The following CADM2 variants were observed in gnomAD, a reference collection of about 807,000 sequenced individuals.
CADM2 encodes the protein immunoglobulin superfamily member 4D.
A neutral mutation model predicts 49.8 loss-of-function variants in CADM2; 12 were observed. The ratio of observed to expected loss-of-function variants is 0.24; its 90% confidence interval spans 0.15 to 0.39. The LOEUF (loss-of-function observed/expected upper bound fraction) is 0.39. CADM2 is among the 10% of genes least tolerant of loss of function. CADM2 has a pLI of 1.00. For missense variants in CADM2, 378 were observed against 492.3 expected (o/e 0.77, Z 2.20); for synonymous variants, 214 against 175.4 (o/e 1.22, Z -1.74).
chr3:85,999,396 T>C (rs1729862733), intron 8 of CADM2, among the ~76,000 whole-genome samples: 1 of 151,944 alleles, frequency 6.6e-6, no homozygotes, highest in Admixed American at 6.6e-5. Context: ...CCCCAGCTAC[T>C]TGGGAGGCCA....
At chr3:85,219,814 A>G (rs1329986582) in intron 1 of CADM2, among the ~76,000 whole-genome samples, 1 of 152,164 alleles carries the variant, frequency 6.6e-6, no homozygotes, top group African/African-American at 2.4e-5. Flanking sequence ...AAGAGAGAGC[A>G]TATTGGCCAG....
chr3:85,035,232 T>C (rs547518057), intron 1 of CADM2, among the ~76,000 whole-genome samples: 1 of 152,306 alleles, frequency 6.6e-6, no homozygotes, highest in African/African-American at 2.4e-5. Flanking sequence ...TTGATAATTG[T>C]CTATTCATAT....
intron 1 of CADM2, among the ~76,000 whole-genome samples, chr3:85,308,143 G>GGAAAGATTTTCTTTTGCCA (rs1471160823): frequency 1.3e-5 from 2 of 151,670 alleles, no homozygotes; most frequent in Non-Finnish European, 2.9e-5. Flanking sequence ...AAACATTTGA[G>GGAAAGATTTTCTTTTGCCA]GAAAGATTTT....
chr3:85,118,336 T>C (rs1207681809), intron 1 of CADM2, among the ~76,000 whole-genome samples: 2 of 152,150 alleles, frequency 1.3e-5, no homozygotes, highest in Non-Finnish European at 1.5e-5. Flanking sequence ...TCTAACCATG[T>C]GTATTAGTCT....
chr3:85,078,516 A>G (rs536953684), intron 1 of CADM2, among the ~76,000 whole-genome samples: 13 of 152,050 alleles, frequency 8.5e-5, no homozygotes, highest in African/African-American at 3.1e-4. Context: ...TTGTAGCATT[A>G]CATCATCAAT....
intron 8 of CADM2, among the ~76,000 whole-genome samples, chr3:86,052,745 T>TA (rs2107332707): frequency 6.6e-6 from 1 of 152,232 alleles, no homozygotes; most frequent in African/African-American, 2.4e-5. Flanking sequence ...TTCTCACATT[T>TA]AAAAAATCAC....
chr3:85,345,525 C>G (rs980840948), intron 1 of CADM2, among the ~76,000 whole-genome samples: 1 of 151,994 alleles, frequency 6.6e-6, no homozygotes, highest in Non-Finnish European at 1.5e-5. Context: ...GTCCAAAATT[C>G]TTAACCTGAT....
intron 8 of CADM2, among the ~76,000 whole-genome samples, chr3:86,040,959 G>T (rs371735791): frequency 5.9e-5 from 9 of 152,268 alleles, no homozygotes; most frequent in East Asian, 5.8e-4. Flanking sequence ...TTTCAACCCA[G>T]AATTTCATAT....
chr3:85,683,319 A>T (rs2066093380), intron 1 of CADM2, among the ~76,000 whole-genome samples: 1 of 152,110 alleles, frequency 6.6e-6, no homozygotes, highest in Admixed American at 6.6e-5. Context: ...AATTACCCTA[A>T]CACGATATTG....
intron 1 of CADM2, among the ~76,000 whole-genome samples, chr3:85,526,869 T>A (rs935659863): frequency 2.6e-5 from 4 of 152,182 alleles, no homozygotes; most frequent in African/African-American, 9.7e-5. Context: ...TATCCAAAAA[T>A]AGATAATTAT....
At chr3:85,983,333 G>T (rs1237918015) in intron 8 of CADM2, among the ~76,000 whole-genome samples, 1 of 151,644 alleles carries the variant, frequency 6.6e-6, no homozygotes, top group Non-Finnish European at 1.5e-5. Context: ...AAAACACAGA[G>T]AAATGAACCA....
chr3:85,755,163 C>T (rs970638622), intron 2 of CADM2, among the ~76,000 whole-genome samples: 36 of 152,098 alleles, frequency 2.4e-4, no homozygotes, highest in South Asian at 8.3e-4. Flanking sequence ...CATTGTCAGC[C>T]AAAGTTATGG....
At position 85,119,074 on chromosome 3, in the gene CADM2, A is replaced by G. The variant is rs542406587; in HGVS notation, c.61+159406A>G. ...TGTCCATTTATTTTTACAAATGAAA[A>G]GAATCTCCTTATGCTCTAGTAGATA... On this transcript the variant is annotated intron_variant, in intron 1 of 9. Coordinates refer to ENST00000383699, the MANE Select transcript of CADM2 (RefSeq NM_001167675.2). Among the ~76,000 whole-genome samples the G allele has an allele frequency of 3.9e-5, 6 of 152,260 alleles. No homozygotes were observed. In the East Asian group the frequency reaches 1.2e-3, roughly 30 times the overall value.
chr3:85,102,957 G>C (rs1297847129), intron 1 of CADM2, among the ~76,000 whole-genome samples: 2 of 152,048 alleles, frequency 1.3e-5, no homozygotes, highest in Non-Finnish European at 1.5e-5. Flanking sequence ...ACACATTTTT[G>C]AATAGCTATA....
At chr3:85,690,393 G>C (rs774196258) in intron 1 of CADM2, among the ~76,000 whole-genome samples, 2 of 151,878 alleles carry the variant, frequency 1.3e-5, no homozygotes, top group African/African-American at 2.4e-5. Context: ...GTTCTGGCAG[G>C]TAGCTAAAGC....
chr3:85,242,779 G>T (rs1354596162), intron 1 of CADM2, among the ~76,000 whole-genome samples: 1 of 151,690 alleles, frequency 6.6e-6, no homozygotes, highest in Non-Finnish European at 1.5e-5. Context: ...AAGAAATTGT[G>T]TAAATTGATA....
chr3:85,293,342 C>T (rs569054163), intron 1 of CADM2, among the ~76,000 whole-genome samples: 2 of 150,734 alleles, frequency 1.3e-5, no homozygotes, highest in African/African-American at 4.9e-5. Context: ...GATTCACAGC[C>T]GAATTCTACC....
chr3:85,091,765 C>T (rs2037605536), intron 1 of CADM2, among the ~76,000 whole-genome samples: 1 of 152,088 alleles, frequency 6.6e-6, no homozygotes, highest in Non-Finnish European at 1.5e-5. Flanking sequence ...GAAATGTCCC[C>T]TCTCAGTGTG....
chr3:85,275,624 T>A (rs1263524252), intron 1 of CADM2, among the ~76,000 whole-genome samples: 3 of 151,314 alleles, frequency 2.0e-5, no homozygotes, highest in Non-Finnish European at 4.4e-5. Context: ...ATTTTTTCCA[T>A]TGATCTGGCT....
Sources: gnomAD v4.1 joint callset for allele counts (sites outside exome capture counted in the v4.1 genomes callset) on GRCh38, gnomAD v4.1.1 for gene constraint, MANE v1.5 for transcripts, NCBI Gene and HGNC (gene_info 2026-07-23, HGNC 2026-07-21) for gene names.